MYCBP2: variants seen among roughly 807,000 people sequenced by gnomAD.
MYCBP2 encodes E3 ubiquitin-protein ligase MYCBP2.
MYCBP2 carries 120 observed loss-of-function variants against 525.3 expected under a neutral mutation model. That is an observed-to-expected ratio of 0.23 (90% CI 0.20 to 0.27). The LOEUF is 0.27. Among genes scored for constraint, MYCBP2 ranks in the 10% least tolerant of loss-of-function variants. The pLI is 1.00. For synonymous variants in MYCBP2, 1,894 were observed against 1,955.8 expected (o/e 0.97, Z 0.83); for missense variants, 4,149 against 5,657.1 (o/e 0.73, Z 8.55).
At chr13:77,133,729 T>C (rs1276228188) in intron 52 of MYCBP2, among the ~76,000 whole-genome samples, 1 of 152,206 alleles carries the variant, frequency 6.6e-6, no homozygotes, top group Non-Finnish European at 1.5e-5. Flanking sequence ...TTAGTTCACA[T>C]ACATAGCATG....
intron 20 of MYCBP2, among the ~76,000 whole-genome samples, chr13:77,221,808 C>T (rs973280718): frequency 1.3e-5 from 2 of 152,300 alleles, no homozygotes; most frequent in Non-Finnish European, 2.9e-5. Context: ...AGTCATCCCT[C>T]AGCATCCATG....
In MYCBP2 at chr13:77,077,091, T is replaced by A. The variant is rs926317178; in HGVS notation, c.11724+57A>T. On this transcript the variant is annotated intron_variant, in intron 67 of 82. Coordinates refer to ENST00000544440, the MANE Select transcript of MYCBP2 (RefSeq NM_015057.5). ...AGTTTCACAAAATATTTTGTTACAC[T>A]CTTAAAATATATTACATCAATTATC... 1.5e-5 allele frequency: 24 copies of A among 1,564,320 alleles called. No homozygotes were observed. In the Admixed American group the frequency reaches 4.5e-4, roughly 29 times the overall value.
At chr13:77,155,280 C>G (rs2154198121) in intron 46 of MYCBP2, among the ~76,000 whole-genome samples, 1 of 152,166 alleles carries the variant, frequency 6.6e-6, no homozygotes, top group East Asian at 1.9e-4. Flanking sequence ...TGAAATAGTT[C>G]TACTGAAAAT....
chr13:77,212,630 G>T (rs1047489628), intron 21 of MYCBP2, among the ~76,000 whole-genome samples: 1 of 152,118 alleles, frequency 6.6e-6, no homozygotes, highest in Non-Finnish European at 1.5e-5. Flanking sequence ...CTGAAACTGT[G>T]AATACAATTA....
chr13:77,275,009 T>G (rs2075359372), intron 4 of MYCBP2, among the ~76,000 whole-genome samples: 1 of 152,160 alleles, frequency 6.6e-6, no homozygotes, highest in Non-Finnish European at 1.5e-5. Context: ...TATTTCCATC[T>G]ACCCATCCTT....
chr13:77,108,874 T>G lies in MYCBP2; in HGVS notation c.8141-9861A>C, dbSNP rs569074047. ...GCCTGCCACCACACCCAGCTAATTT[T>G]TTGTATTTTTAGTAGAGACGGGGTT... is the stretch of plus-strand genomic sequence containing the variant. On this transcript the variant is annotated intron_variant, in intron 55 of 82. Transcript: ENST00000544440. Among the ~76,000 whole-genome samples, 6 of 152,230 alleles carry G rather than the reference T, an allele frequency of 3.9e-5. No individual in the cohort carries two copies. In the South Asian group the frequency reaches 1.2e-3, roughly 32 times the overall value.
Position 77,164,524 on chromosome 13 carries a change from T to A in MYCBP2, c.6477A>T (p.Glu2159Asp). Residue 2159 changes from glutamate (E) to aspartate (D), a missense_variant, in exon 43 of 83, where the codon GAA (glutamate) becomes GAT (aspartate). By Grantham distance (45) the Glu-to-Asp change is conservative. Transcript: ENST00000544440. The stretch of plus-strand genomic sequence containing the variant: ...CCCCACCAAGATTGGCTAATTCTTT[T>A]TCCAATTGGATGACTCCCTATGGAA... ...PGPDEGVIQL[E>D]KELANLGGVC... The A allele has an allele frequency of 6.2e-7, 1 of 1,611,670 alleles. No individual in the cohort carries two copies. The highest frequency in any genetic ancestry group is 8.5e-7 in the Non-Finnish European group (1 of 1,177,822).
rs557827071 is a variant in MYCBP2 at position 77,326,410 on chromosome 13, C to T, written c.302+64G>A. The stretch of plus-strand genomic sequence containing the variant: ...GCAAGCACACACACACGCGGGTGCA[C>T]GCGCGGCATGGGGCGCAAGGAAGGG... On this transcript the variant is annotated intron_variant, in intron 1 of 82. Transcript: ENST00000544440. This position sits in a 1 kb window ranked among gnomAD's most constrained non-coding sequence, Gnocchi z 4.2. The T allele has an allele frequency of 2.1e-6, 3 of 1,454,582 alleles. No homozygotes were observed. Among genetic ancestry groups the T allele is most frequent in the African/African-American group, 1.5e-5 (1 of 67,996 alleles). 90.1% of individuals were successfully genotyped at this position (1,454,582 alleles called of 1,614,324 possible). A position where few individuals can be genotyped will look rare whatever the true frequency, so the allele number is the denominator to read the frequency against.
intron 56 of MYCBP2, 139 bp downstream of exon 56, chr13:77,097,231 A>G (rs2046398855): frequency 1.6e-5 from 19 of 1,210,976 alleles, no homozygotes; most frequent in Admixed American, 1.2e-4. Flanking sequence ...CCCTGTACTG[A>G]TAATGTACTT....
In MYCBP2 at chr13:77,288,384, A is replaced by G. The variant is rs777152891; in HGVS notation, c.379-8T>C. 23 of 1,598,818 alleles carry G rather than the reference A, an allele frequency of 1.4e-5. No homozygotes were observed. Among genetic ancestry groups the G allele is most frequent in the Non-Finnish European group, 1.9e-5 (22 of 1,167,130 alleles). On this transcript the variant is annotated splice_polypyrimidine_tract_variant and splice_region_variant and intron_variant, in intron 2 of 82. Coordinates refer to ENST00000544440, the MANE Select transcript of MYCBP2 (RefSeq NM_015057.5). ...ATTCTCTAAGTTTTCAGACTGAAATACAAAACAGAATATTTCCATTTCACA... is the reference window on the plus strand; with the variant it reads ...ATTCTCTAAGTTTTCAGACTGAAATGCAAAACAGAATATTTCCATTTCACA...
intron 26 of MYCBP2, 69 bp downstream of exon 26, chr13:77,205,187 T>A (rs2063186435): frequency 7.6e-7 from 1 of 1,321,102 alleles, no homozygotes; most frequent in Non-Finnish European, 9.9e-7. Context: ...CATTAAATAA[T>A]AAAATAATAA....
chr13:77,166,207 C>T (rs2058500892), intron 41 of MYCBP2, 122 bp downstream of exon 41: 1 of 716,116 alleles, frequency 1.4e-6, no homozygotes, highest in Admixed American at 3.0e-5. Context: ...AATCCAGATA[C>T]ATAGTAGGTC....
At chr13:77,169,190 C>T (rs201776748) in intron 39 of MYCBP2, among the ~76,000 whole-genome samples, 7 of 152,178 alleles carry the variant, frequency 4.6e-5, no homozygotes, top group Non-Finnish European at 8.8e-5. Flanking sequence ...GGGCGGATCA[C>T]GAGGTCAGGA....
At chr13:77,072,147 T>C (rs1021967799) in intron 68 of MYCBP2, among the ~76,000 whole-genome samples, 4 of 151,460 alleles carry the variant, frequency 2.6e-5, no homozygotes, top group African/African-American at 9.7e-5. Context: ...AAAAATTAGC[T>C]GGGCATGGTG....
intron 56 of MYCBP2, among the ~76,000 whole-genome samples, chr13:77,096,831 A>T (rs2046327031): frequency 6.6e-6 from 1 of 152,170 alleles, no homozygotes; most frequent in South Asian, 2.1e-4. Context: ...TCACATATTC[A>T]TAAGACATTT....
At chr13:77,292,773 C>T (rs1489046798) in intron 2 of MYCBP2, among the ~76,000 whole-genome samples, 1 of 151,834 alleles carries the variant, frequency 6.6e-6, no homozygotes, top group Non-Finnish European at 1.5e-5. Context: ...GCCTGGCCAA[C>T]ATGGTGAAAT....
intron 4 of MYCBP2, among the ~76,000 whole-genome samples, 172 bp from the exon 5 acceptor site, chr13:77,273,840 T>C (rs1222394721): frequency 1.3e-5 from 2 of 152,226 alleles, no homozygotes; most frequent in African/African-American, 4.8e-5. Flanking sequence ...AAAATATTTA[T>C]GTAACAAGGG....
intron 52 of MYCBP2, among the ~76,000 whole-genome samples, chr13:77,132,282 G>T (rs750080976): frequency 7.9e-5 from 12 of 152,116 alleles, no homozygotes; most frequent in Non-Finnish European, 1.5e-4. Context: ...TGACTGCTAA[G>T]TGTTATTAGG....
chr13:77,303,162 G>A (rs1409640201), intron 1 of MYCBP2, among the ~76,000 whole-genome samples: 8 of 152,150 alleles, frequency 5.3e-5, no homozygotes, highest in South Asian at 2.1e-4. Context: ...GTGAAATACC[G>A]TCTCTACTAA....
Sources: gnomAD v4.1 joint callset for allele counts (sites outside exome capture counted in the v4.1 genomes callset) on GRCh38, gnomAD v4.1.1 for gene constraint, Gnocchi (gnomAD v3.1) non-coding constraint, MANE v1.5 for transcripts, NCBI Gene and HGNC (gene_info 2026-07-23, HGNC 2026-07-21) for gene names.